TOP3A: variants seen among roughly 807,000 people sequenced by gnomAD.
The protein encoded by TOP3A is DNA topoisomerase 3-alpha.
TOP3A carries 64 observed loss-of-function variants against 111.3 expected under a neutral mutation model. That is an observed-to-expected ratio of 0.57 (90% CI 0.47 to 0.71). The LOEUF (loss-of-function observed/expected upper bound fraction) is 0.71. TOP3A is among the 30% of genes least tolerant of loss of function. The pLI is 0.00. For synonymous variants in TOP3A, 484 were observed against 485.1 expected (o/e 1.00, Z 0.03); for missense variants, 1,104 against 1,285.0 (o/e 0.86, Z 2.15).
chr17:18,311,242 C>T (rs887291830), intron 1 of TOP3A, among the ~76,000 whole-genome samples: 7 of 151,928 alleles, frequency 4.6e-5, no homozygotes, highest in Non-Finnish European at 8.8e-5. Flanking sequence ...CCTCATGATC[C>T]GCCCACCTCA....
intron 15 of TOP3A, 38 bp from the exon 16 acceptor site, chr17:18,282,879 A>G (rs768464052): frequency 1.8e-5 from 29 of 1,611,046 alleles, no homozygotes; most frequent in Non-Finnish European, 2.5e-5. Flanking sequence ...ATCAGCCAGC[A>G]ATCGCTGCAA....
At position 18,272,234 on chromosome 17, in the gene TOP3A, G is replaced by C. The variant is rs1259563997; in HGVS notation, c.*2568C>G. On this transcript the variant is annotated 3_prime_UTR_variant, in exon 19 of 19. Transcript: ENST00000321105. ...ATGACACGCCACTTCATACCCACTA[G>C]GATGACAAAACACTAGGATGGCTAT... is the stretch of plus-strand genomic sequence containing the variant. Among the ~76,000 whole-genome samples, 1 of 152,102 alleles carries C rather than the reference G, an allele frequency of 6.6e-6. No individual in the cohort carries two copies. The highest frequency in any genetic ancestry group is 1.5e-5 in the Non-Finnish European group (1 of 68,020).
In TOP3A at chr17:18,285,433, C is replaced by T. The variant is rs770200952; in HGVS notation, c.1685G>A (p.Gly562Glu). 3.7e-6 allele frequency: 6 copies of T among 1,614,086 alleles called. No individual in the cohort carries two copies. The Admixed American group carries it at 1.0e-4, about 27-fold the overall frequency. Residue 562 changes from glycine to glutamate, a missense_variant, in exon 14 of 19, where the codon GGG (glycine) becomes GAG (glutamate). By Grantham distance (98) the Gly-to-Glu change is moderately conservative. Transcript: ENST00000321105. Reference sequence around the variant, plus strand: ...TTCCACAAGTCCCATGCCCAGGTGCCCAGGGAGGAACCGCTTGTCTGGGGT... The same window carrying T: ...TTCCACAAGTCCCATGCCCAGGTGCTCAGGGAGGAACCGCTTGTCTGGGGT... The part of the protein sequence containing the change: ...GLTPDKRFLP[G>E]HLGMGLVEGY...
rs924677786 is a variant in TOP3A at position 18,296,970 on chromosome 17, G to A, written c.991-2185C>T. Among the ~76,000 whole-genome samples, 4 of 151,896 alleles carry A rather than the reference G, an allele frequency of 2.6e-5. No individual in the cohort carries two copies. In the East Asian group the frequency reaches 7.7e-4, roughly 29 times the overall value. On this transcript the variant is annotated intron_variant, in intron 9 of 18. Transcript: ENST00000321105. ...TACAGCAACATGAAAAAAATGCTTG[G>A]GTGGAAAAGCTACTCTAATTATAAT...
chr17:18,308,336 G>C lies in TOP3A; in HGVS notation c.314+15C>G. 2.6e-6 allele frequency: 4 copies of C among 1,520,816 alleles called. No homozygotes were observed. Among genetic ancestry groups the C allele is most frequent in the Middle Eastern group, 1.7e-4 (1 of 5,786 alleles). 94.2% of individuals were successfully genotyped at this position (1,520,816 alleles called of 1,614,324 possible). A position where few individuals can be genotyped will look rare whatever the true frequency, so the allele number is the denominator to read the frequency against. On this transcript the variant is annotated intron_variant, in intron 3 of 18. Transcript: ENST00000321105. ...ACTATAATCTGAAAGTCCTTCCCTTGAGAATTGTACTGACCATTTTCGAAA... is the reference window on the plus strand; with the variant it reads ...ACTATAATCTGAAAGTCCTTCCCTTCAGAATTGTACTGACCATTTTCGAAA...
chr17:18,285,112 G>C (rs772656484), intron 15 of TOP3A, 30 bp downstream of exon 15: 19 of 1,607,310 alleles, frequency 1.2e-5, no homozygotes, highest in Non-Finnish European at 1.4e-5. Context: ...AACATAGTGA[G>C]ACCCCTCTGT....
chr17:18,303,366 C>G (rs547960302), intron 5 of TOP3A, among the ~76,000 whole-genome samples: 44 of 152,288 alleles, frequency 2.9e-4, no homozygotes, highest in Non-Finnish European at 5.1e-4. Flanking sequence ...TACAGCCCCC[C>G]AGCCCGACAC....
chr17:18,303,765 T>A (rs865788985), intron 5 of TOP3A, among the ~76,000 whole-genome samples: 81 of 152,168 alleles, frequency 5.3e-4, no homozygotes, highest in African/African-American at 1.9e-3. Flanking sequence ...AGATAGTGAT[T>A]GATAAATACT....
chr17:18,307,056 G>C, intron 3 of TOP3A, 90 bp from the exon 4 acceptor site: 1 of 871,134 alleles, frequency 1.1e-6, no homozygotes, highest in Non-Finnish European at 1.8e-6. Flanking sequence ...ATGGGTTCAT[G>C]GTGTATCCCC....
chr17:18,278,296 AGC>A lies in TOP3A; in HGVS notation c.2204_2205del (p.Cys735LeufsTer25). 1 of 1,524,514 alleles carries A rather than the reference AGC, an allele frequency of 6.6e-7. No individual in the cohort carries two copies. The highest frequency in any genetic ancestry group is 8.8e-7 in the Non-Finnish European group (1 of 1,136,328). 94.4% of individuals were successfully genotyped at this position (1,524,514 alleles called of 1,614,324 possible). On this transcript the variant is annotated frameshift_variant, in exon 18 of 19. Coordinates refer to ENST00000321105, the MANE Select transcript of TOP3A (RefSeq NM_004618.5). LOFTEE classifies it high-confidence loss of function. ...AGGGTGTCGTCGCATCCGCCGATGCAGCAAACAAACTCCAGAGGCATGGTCGG... is the reference window on the plus strand; with the variant it reads ...AGGGTGTCGTCGCATCCGCCGATGCAAAACAAACTCCAGAGGCATGGTCGG... ...LPPTMPLEFV[C>X]CIGGCDDTLR...
Position 18,274,968 on chromosome 17 carries a change from G to C in TOP3A, c.2840C>G (p.Ala947Gly), listed in dbSNP as rs776955624. 1 of 1,613,610 alleles carries C rather than the reference G, an allele frequency of 6.2e-7. No individual in the cohort carries two copies. The highest frequency in any genetic ancestry group is 1.1e-5 in the South Asian group (1 of 91,064). Residue 947 changes from alanine (A) to glycine (G), a missense_variant, in exon 19 of 19, where the codon GCC becomes GGC. Coordinates refer to ENST00000321105, the MANE Select transcript of TOP3A (RefSeq NM_004618.5). ...DENTAPGTSG[A>G]PSWTGDRGRT... ...TCCTCTGTCTCCTGTCCAGGACGGG[G>C]CTCCAGAAGTCCCTGTCGGGAGAGT...
Position 18,301,867 on chromosome 17 carries a change from A to C in TOP3A, c.915+18T>G, listed in dbSNP as rs938563145. ...GGGAGGTGTGCAGAATGTTTCCTAG[A>C]TCATTAGGGGTTCTTACCTCCACAC... On this transcript the variant is annotated intron_variant, in intron 8 of 18. Coordinates refer to ENST00000321105, the MANE Select transcript of TOP3A (RefSeq NM_004618.5). 1.2e-6 allele frequency: 2 copies of C among 1,606,318 alleles called. No homozygotes were observed. Among genetic ancestry groups the C allele is most frequent in the African/African-American group, 2.7e-5 (2 of 74,698 alleles).
intron 5 of TOP3A, 109 bp from the exon 6 acceptor site, chr17:18,302,832 A>C: frequency 1.5e-6 from 2 of 1,345,566 alleles, no homozygotes; most frequent in Middle Eastern, 1.9e-4. Flanking sequence ...CCAGTTCAAG[A>C]AGCTGTGAGA....
At chr17:18,292,469 C>T (rs1371017637) in intron 11 of TOP3A, among the ~76,000 whole-genome samples, 176 bp downstream of exon 11, 1 of 152,128 alleles carries the variant, frequency 6.6e-6, no homozygotes, top group East Asian at 1.9e-4. Context: ...CGGGGGCCCA[C>T]CACGGGGAGG....
intron 10 of TOP3A, among the ~76,000 whole-genome samples, chr17:18,293,611 C>A (rs115017188): frequency 6.8e-6 from 1 of 147,978 alleles, no homozygotes; most frequent in Non-Finnish European, 1.5e-5. Context: ...TTGTTTCCCC[C>A]CAAGAGACGG....
chr17:18,307,123 T>G (rs1981627828), intron 3 of TOP3A, 157 bp from the exon 4 acceptor site: 2 of 570,422 alleles, frequency 3.5e-6, no homozygotes, highest in Non-Finnish European at 6.2e-6. Context: ...CATGACACAC[T>G]GTCCACTTCT....
intron 9 of TOP3A, among the ~76,000 whole-genome samples, chr17:18,295,628 C>G (rs1394788421): frequency 2.2e-5 from 3 of 138,536 alleles, no homozygotes; most frequent in Non-Finnish European, 4.7e-5. Flanking sequence ...CTGGCTAATT[C>G]TTGTGTTTTC....
At position 18,274,827 on chromosome 17, in the gene TOP3A, CGG is replaced by C. The variant is rs1979229022; in HGVS notation, c.2979_2980del (p.Arg994SerfsTer12). ...TCATCTGTTCTGAGGACAAAAGGGA[CGG>C]GTGTGTCCAGGCTGGTGGCAAAGGC... On this transcript the variant is annotated frameshift_variant, in exon 19 of 19. Transcript: ENST00000321105. LOFTEE classifies it high-confidence loss of function. 10 of 1,614,134 alleles carry C rather than the reference CGG, an allele frequency of 6.2e-6. No homozygotes were observed. Among genetic ancestry groups the C allele is most frequent in the Admixed American group, 1.7e-5 (1 of 60,022 alleles).
rs1981612277 is a variant in TOP3A at position 18,306,901 on chromosome 17, A to G, written c.380T>C (p.Val127Ala). The G allele has an allele frequency of 6.2e-7, 1 of 1,612,282 alleles. No homozygotes were observed. The highest frequency in any genetic ancestry group is 8.5e-7 in the Non-Finnish European group (1 of 1,178,332). ...EIEKYCPENF[V>A]DIKKTLERET... is the part of the protein sequence containing the mutation. ...TCCAAAAGACCCTACCTTGATGTCTACAAAATTCTCTGGGCAGTACTTTTC... is the reference window on the plus strand; with the variant it reads ...TCCAAAAGACCCTACCTTGATGTCTGCAAAATTCTCTGGGCAGTACTTTTC... The change falls in exon 4 of 19, where the codon GTA becomes GCA. Residue 127 changes from valine (V) to alanine (A), a missense_variant. Physicochemically the swap from Val to Ala is moderately conservative, Grantham distance 64 (BLOSUM62 0). Transcript: ENST00000321105.
Sources: allele counts gnomAD v4.1 joint callset (sites outside exome capture counted in the v4.1 genomes callset), GRCh38; gene constraint gnomAD v4.1.1; transcripts MANE v1.5; gene names NCBI Gene and HGNC (gene_info 2026-07-23, HGNC 2026-07-21).